PLXNC1: variants seen among roughly 807,000 people sequenced by gnomAD.
The protein encoded by PLXNC1 is plexin-C1.
PLXNC1 carries 75 observed loss-of-function variants against 178.2 expected under a neutral mutation model. The ratio of observed to expected loss-of-function variants is 0.42; its 90% CI spans 0.35 to 0.51. The LOEUF (loss-of-function observed/expected upper bound fraction) is 0.51, where lower values mean the gene tolerates loss of function less well. Ranked by LOEUF, PLXNC1 falls within the 20% of genes least tolerant of loss-of-function variation. The pLI is 0.02. For missense variants in PLXNC1, 1,503 were observed against 1,984.4 expected, an observed-to-expected ratio of 0.76 and a Z score of 4.61; for synonymous variants, 790 against 779.9, an observed-to-expected ratio of 1.01 and a Z score of -0.22.
intron 6 of PLXNC1, among the ~76,000 whole-genome samples, chr12:94,220,635 TA>T (rs533753006): frequency 2.6e-5 from 4 of 151,800 alleles, no homozygotes; most frequent in Non-Finnish European, 4.4e-5. Context: ...CCCTTGCCCC[TA>T]AAAAAAAGAC....
In PLXNC1 at chr12:94,149,283, C is replaced by A; in HGVS notation, c.312C>A (p.Ser104Arg). The A allele has an allele frequency of 6.6e-7, 1 of 1,506,878 alleles. No homozygotes were observed. The highest frequency in any genetic ancestry group is 8.8e-7 in the Non-Finnish European group (1 of 1,136,896). 93.3% of individuals were successfully genotyped at this position (1,506,878 alleles called of 1,614,324 possible). A position where few individuals can be genotyped will look rare whatever the true frequency, so the allele number is the denominator to read the frequency against. The change falls in exon 1 of 31, where the codon AGC (serine) becomes AGA (arginine). Residue 104 changes from serine (S) to arginine (R), a missense_variant. This residue lies in a region of PLXNC1 where 176 missense variants were observed against 180.7 expected (regional missense o/e 0.97). Coordinates refer to ENST00000258526, the MANE Select transcript of PLXNC1 (RefSeq NM_005761.3). Reference sequence around the variant, plus strand: ...CCGCGCGGCCCCGGCCCGGGAGCAGCTTCAGCAAGCTGCTGCTGCCCTACC... The same window carrying A: ...CCGCGCGGCCCCGGCCCGGGAGCAGATTCAGCAAGCTGCTGCTGCCCTACC... The part of the protein sequence containing the change: ...APPARPRPGS[S>R]FSKLLLPYRE...
At chr12:94,228,020 G>T (rs1250509997) in intron 9 of PLXNC1, among the ~76,000 whole-genome samples, 1 of 152,172 alleles carries the variant, frequency 6.6e-6, no homozygotes, top group Non-Finnish European at 1.5e-5. Context: ...GGAGAAAAGG[G>T]CTCCATTTTC....
intron 1 of PLXNC1, 46 bp downstream of exon 1, chr12:94,150,079 A>G: frequency 1.4e-6 from 2 of 1,438,986 alleles, no homozygotes; most frequent in Non-Finnish European, 9.2e-7. Context: ...GCTGCCGGGG[A>G]GCCGCCGCCG....
intron 27 of PLXNC1, 96 bp from the exon 28 acceptor site, chr12:94,300,814 A>T: frequency 8.5e-7 from 1 of 1,170,926 alleles, no homozygotes; most frequent in Non-Finnish European, 1.2e-6. Flanking sequence ...TACTTCAATA[A>T]CAAGGACAAA....
At chr12:94,169,127 T>A in intron 1 of PLXNC1, 26 bp from the exon 2 acceptor site, 1 of 1,596,852 alleles carries the variant, frequency 6.3e-7, no homozygotes, top group Non-Finnish European at 8.6e-7. Context: ...ATTATTATTT[T>A]TTTGTGCGTT....
chr12:94,217,951 T>C (rs1482663092), intron 5 of PLXNC1, among the ~76,000 whole-genome samples: 5 of 152,250 alleles, frequency 3.3e-5, no homozygotes, highest in Non-Finnish European at 5.9e-5. Context: ...ATTATAGTTA[T>C]GTAAAAGCTA....
intron 21 of PLXNC1, among the ~76,000 whole-genome samples, chr12:94,276,504 G>A (rs1020091210): frequency 2.0e-5 from 3 of 152,152 alleles, no homozygotes; most frequent in African/African-American, 4.8e-5. Flanking sequence ...GTGGTAAAGC[G>A]GGGATGGCAT....
intron 10 of PLXNC1, among the ~76,000 whole-genome samples, chr12:94,239,580 A>G (rs1251731675): frequency 8.5e-5 from 13 of 152,238 alleles, no homozygotes. Context: ...GCACGGTTAT[A>G]CTGAGCATTA....
intron 30 of PLXNC1, 137 bp from the exon 31 acceptor site, chr12:94,305,044 T>C (rs2136241568): frequency 1.6e-6 from 1 of 614,366 alleles, no homozygotes; most frequent in Non-Finnish European, 2.9e-6. Flanking sequence ...ACTTGCAAAG[T>C]GAGTATGTAA....
intron 9 of PLXNC1, among the ~76,000 whole-genome samples, chr12:94,235,756 A>C (rs1449730806): frequency 6.6e-6 from 1 of 152,232 alleles, no homozygotes; most frequent in East Asian, 1.9e-4. Flanking sequence ...CTGAAATTTG[A>C]ATTTCATGTG....
chr12:94,247,663 G>T (rs894638937), intron 12 of PLXNC1, among the ~76,000 whole-genome samples: 27 of 152,146 alleles, frequency 1.8e-4, no homozygotes, highest in African/African-American at 6.0e-4. Context: ...AGCATGTTTT[G>T]AGTGCTTACT....
chr12:94,240,653 C>A lies in PLXNC1; in HGVS notation c.2289C>A (p.Thr763=). ...ATTGTTCCCTTATATTTCCTGCTAC[C>A]ACCTGGATCAGGTACTTTCTAGATT... ...LPHCSLIFPA[T]TWISGGQNIT... The change falls in exon 11 of 31, where the codon ACC becomes ACA. Residue 763 remains threonine (T), a synonymous_variant. Transcript: ENST00000258526. The A allele has an allele frequency of 1.9e-6, 3 of 1,610,464 alleles. No individual in the cohort carries two copies. The highest frequency in any genetic ancestry group is 2.5e-6 in the Non-Finnish European group (3 of 1,177,392).
rs762915208 is a variant in PLXNC1 at position 94,224,247 on chromosome 12, G to A, written c.1722G>A (p.Val574=). The change falls in exon 7 of 31, where the codon GTG becomes GTA. Residue 574 remains valine (V), a synonymous_variant. Coordinates refer to ENST00000258526, the MANE Select transcript of PLXNC1 (RefSeq NM_005761.3). ...CTCCAGATGTTTCAGTTGTCAACGT[G>A]ATGTTCTCCTTCGGTTCTTGGAATT... The part of the protein sequence containing the change: ...ATYKDVSVVN[V]MFSFGSWNLS... The A allele has an allele frequency of 6.2e-7, 1 of 1,602,676 alleles. No homozygotes were observed. Among genetic ancestry groups the A allele is most frequent in the South Asian group, 1.1e-5 (1 of 90,842 alleles).
chr12:94,169,723 G>A (rs1184083743), intron 2 of PLXNC1, among the ~76,000 whole-genome samples: 1 of 152,148 alleles, frequency 6.6e-6, no homozygotes, highest in Non-Finnish European at 1.5e-5. Flanking sequence ...AGAAAAAACA[G>A]GTGTTCTTTC....
chr12:94,213,567 G>A (rs1963556236), intron 5 of PLXNC1, among the ~76,000 whole-genome samples: 1 of 152,022 alleles, frequency 6.6e-6, no homozygotes. Context: ...TTGTCAGCTG[G>A]GTAGATTGCA....
Position 94,255,206 on chromosome 12 carries a change from G to T in PLXNC1, c.2997G>T (p.Leu999=). The change falls in exon 17 of 31, where the codon CTG becomes CTT. Residue 999 remains leucine, a synonymous_variant. Coordinates refer to ENST00000258526, the MANE Select transcript of PLXNC1 (RefSeq NM_005761.3). ...TCTGTTTTGCAGGCTTTGCTGAGCT[G>T]CAGATGGATAAATTGGATGTGGTTG... ...RKEIRDGFAE[L]QMDKLDVVDS... The T allele has an allele frequency of 5.0e-6, 8 of 1,613,382 alleles. No homozygotes were observed. The highest frequency in any genetic ancestry group is 5.9e-6 in the Non-Finnish European group (7 of 1,179,276).
chr12:94,265,761 A>G (rs1324669876), intron 21 of PLXNC1, among the ~76,000 whole-genome samples: 1 of 152,190 alleles, frequency 6.6e-6, no homozygotes, highest in Non-Finnish European at 1.5e-5. Flanking sequence ...TTTTTAGAGG[A>G]ACGCTGTAAA....
rs553882410 is a variant in PLXNC1 at position 94,178,971 on chromosome 12, A to T, written c.1204-2475A>T. On this transcript the variant is annotated intron_variant, in intron 2 of 30. Transcript: ENST00000258526. ...TTGACTTTTACAAAGCTGCTGCTGA[A>T]TTTGATGAGCAGTCCAAGGGCTTCA... Among the ~76,000 whole-genome samples, 3 of 152,270 alleles carry T rather than the reference A, an allele frequency of 2.0e-5. No individual in the cohort carries two copies. In the East Asian group the frequency reaches 5.8e-4, roughly 29 times the overall value.
intron 4 of PLXNC1, among the ~76,000 whole-genome samples, chr12:94,200,777 A>C (rs1963090424): frequency 6.6e-6 from 1 of 152,122 alleles, no homozygotes; most frequent in African/African-American, 2.4e-5. Flanking sequence ...CTTTTAGTAC[A>C]CTCATTGCCC....
Sources: gnomAD v4.1 joint callset for allele counts (sites outside exome capture counted in the v4.1 genomes callset) on GRCh38, gnomAD v4.1.1 for gene constraint, gnomAD v4.1.1 regional missense constraint, MANE v1.5 for transcripts, NCBI Gene and HGNC (gene_info 2026-07-23, HGNC 2026-07-21) for gene names.